Variants in RAD18 observed in about 807,000 individuals in gnomAD.
RAD18 encodes E3 ubiquitin-protein ligase RAD18.
RAD18 carries 47 observed loss-of-function variants against 60.4 expected under a neutral mutation model. The observed-to-expected ratio is 0.78, with a 90% CI of 0.62 to 0.99. The LOEUF is 0.99. RAD18 is among the 50% of genes least tolerant of loss of function. RAD18 has a pLI of 0.00. For synonymous variants in RAD18, 225 were observed against 195.5 expected (o/e 1.15, Z -1.26); for missense variants, 640 against 593.3 (o/e 1.08, Z -0.82).
intron 7 of RAD18, among the ~76,000 whole-genome samples, chr3:8,917,772 C>T (rs934073303): frequency 6.6e-6 from 1 of 152,030 alleles, no homozygotes; most frequent in Non-Finnish European, 1.5e-5. Flanking sequence ...TCAAAGCCAA[C>T]TGCACCAGTA....
At chr3:8,950,278 G>A (rs917090547) in intron 2 of RAD18, among the ~76,000 whole-genome samples, 9 of 151,944 alleles carry the variant, frequency 5.9e-5, no homozygotes, top group Admixed American at 1.3e-4. Context: ...ATAGGTGACC[G>A]CCCACCTCGG....
Position 8,963,402 on chromosome 3 carries a change from G to T in RAD18, c.-17C>A. On this transcript the variant is annotated 5_prime_UTR_variant, in exon 1 of 13. Transcript: ENST00000264926. Reference sequence around the variant, plus strand: ...GGAGTCCATGGTCGCTCCCGAGGATGCTGGGGGTCAGCCACCCACTAGCCT... The same window carrying T: ...GGAGTCCATGGTCGCTCCCGAGGATTCTGGGGGTCAGCCACCCACTAGCCT... 6.3e-7 allele frequency: 1 copy of T among 1,579,370 alleles called. No homozygotes were observed. Among genetic ancestry groups the T allele is most frequent in the Non-Finnish European group, 8.6e-7 (1 of 1,161,494 alleles).
intron 2 of RAD18, among the ~76,000 whole-genome samples, chr3:8,949,965 C>T (rs374084049): frequency 5.3e-5 from 8 of 152,142 alleles, no homozygotes; most frequent in African/African-American, 1.9e-4. Context: ...CCCAGTCCTT[C>T]CAGGAGTAGG....
At chr3:8,914,858 G>C (rs537682953) in intron 7 of RAD18, among the ~76,000 whole-genome samples, 1 of 152,238 alleles carries the variant, frequency 6.6e-6, no homozygotes, top group East Asian at 1.9e-4. Flanking sequence ...AGAAAACTAG[G>C]CCAGGCGCAG....
chr3:8,945,710 TCCAC>T (rs1316820605), intron 4 of RAD18, among the ~76,000 whole-genome samples: 1 of 152,028 alleles, frequency 6.6e-6, no homozygotes, highest in Non-Finnish European at 1.5e-5. Context: ...GACCTCGTGA[TCCAC>T]CCACCTCGGC....
intron 7 of RAD18, among the ~76,000 whole-genome samples, chr3:8,922,143 G>T (rs975766838): frequency 1.3e-5 from 2 of 152,226 alleles, no homozygotes; most frequent in African/African-American, 4.8e-5. Flanking sequence ...GCGAGGCATC[G>T]CCTCACCGGG....
chr3:8,884,154 C>G (rs539131538), intron 12 of RAD18, among the ~76,000 whole-genome samples: 41 of 152,208 alleles, frequency 2.7e-4, no homozygotes, highest in Non-Finnish European at 3.7e-4. Context: ...TGACTGCAGA[C>G]TGTTGGCTCC....
At chr3:8,942,686 G>A (rs1181469643) in intron 4 of RAD18, among the ~76,000 whole-genome samples, 2 of 152,154 alleles carry the variant, frequency 1.3e-5, no homozygotes, top group Admixed American at 1.3e-4. Context: ...TTACTTGTTA[G>A]AGAAAATAAG....
chr3:8,915,283 A>C (rs932297462), intron 7 of RAD18, among the ~76,000 whole-genome samples: 1 of 152,214 alleles, frequency 6.6e-6, no homozygotes, highest in Non-Finnish European at 1.5e-5. Context: ...AATGACGAGA[A>C]AAAGCGGGAT....
At chr3:8,891,075 A>ATATATATATATAT (rs1939679543) in intron 11 of RAD18, among the ~76,000 whole-genome samples, 1 of 25,972 alleles carries the variant, frequency 3.9e-5, no homozygotes, top group African/African-American at 7.4e-5. Flanking sequence ...ATATATATAA[A>ATATATATATATAT]ATATATATAT....
chr3:8,937,952 T>C (rs992921474), intron 6 of RAD18, among the ~76,000 whole-genome samples: 2 of 152,148 alleles, frequency 1.3e-5, no homozygotes, highest in African/African-American at 4.8e-5. Flanking sequence ...AGAAATGATG[T>C]ATCAGAAATG....
chr3:8,921,206 C>T (rs1404493235), intron 7 of RAD18, among the ~76,000 whole-genome samples: 1 of 152,126 alleles, frequency 6.6e-6, no homozygotes, highest in African/African-American at 2.4e-5. Flanking sequence ...TGGATCTGTA[C>T]AAAGGGTACA....
In RAD18 at chr3:8,961,295, C is replaced by G. The variant is rs551382232; in HGVS notation, c.51+2040G>C. Among the ~76,000 whole-genome samples the G allele has an allele frequency of 2.0e-5, 3 of 152,206 alleles. No homozygotes were observed. In the South Asian group the frequency reaches 6.2e-4, roughly 32 times the overall value. ...CTGAATAGAGAGTGGTCAGCAGACT[C>G]CCCAAAATTTCTTTAGTTTAGAGAG... On this transcript the variant is annotated intron_variant, in intron 1 of 12. Coordinates refer to ENST00000264926, the MANE Select transcript of RAD18 (RefSeq NM_020165.4).
At chr3:8,905,163 G>A (rs1245810645) in intron 9 of RAD18, among the ~76,000 whole-genome samples, 1 of 152,222 alleles carries the variant, frequency 6.6e-6, no homozygotes, top group East Asian at 1.9e-4. Context: ...ATGTGTCCTG[G>A]ATTTTCCTCT....
At chr3:8,892,065 T>C (rs1291741327) in intron 11 of RAD18, among the ~76,000 whole-genome samples, 1 of 152,242 alleles carries the variant, frequency 6.6e-6, no homozygotes, top group Non-Finnish European at 1.5e-5. Context: ...CATTTTAATA[T>C]GCCTTGAGGA....
At chr3:8,924,890 C>T (rs1323667411) in intron 7 of RAD18, among the ~76,000 whole-genome samples, 1 of 152,128 alleles carries the variant, frequency 6.6e-6, no homozygotes, top group South Asian at 2.1e-4. Context: ...ATACCAGAAT[C>T]TCTGGGACAC....
intron 11 of RAD18, among the ~76,000 whole-genome samples, chr3:8,896,272 A>G (rs1559759864): frequency 6.6e-6 from 1 of 152,232 alleles, no homozygotes; most frequent in Non-Finnish European, 1.5e-5. Flanking sequence ...GAAAAACAGC[A>G]TTGGACTGAA....
intron 7 of RAD18, among the ~76,000 whole-genome samples, chr3:8,923,090 A>T (rs1940358443): frequency 1.3e-5 from 2 of 151,844 alleles, no homozygotes; most frequent in Admixed American, 6.6e-5. Flanking sequence ...TTGAGAGAAG[A>T]ACGCTTCAGA....
chr3:8,959,041 T>C, intron 1 of RAD18, 40 bp from the exon 2 acceptor site: 11 of 1,537,240 alleles, frequency 7.2e-6, no homozygotes, highest in Non-Finnish European at 9.9e-6. Context: ...CAGAAAGACA[T>C]CAAAATTGGA....
Sources: allele counts gnomAD v4.1 joint callset (sites outside exome capture counted in the v4.1 genomes callset), GRCh38; gene constraint gnomAD v4.1.1; transcripts MANE v1.5; gene names NCBI Gene and HGNC (gene_info 2026-07-23, HGNC 2026-07-21).